FBXL7: variants seen among roughly 807,000 people sequenced by gnomAD.
FBXL7 encodes F-box/LRR-repeat protein 7.
FBXL7 carries 12 observed loss-of-function variants against 38.3 expected under a neutral mutation model. The ratio of observed to expected loss-of-function variants is 0.31; its 90% CI spans 0.20 to 0.51. The LOEUF (loss-of-function observed/expected upper bound fraction) is 0.51, where lower values mean the gene tolerates loss of function less well. Among genes scored for constraint, FBXL7 ranks in the 20% least tolerant of loss-of-function variants. The pLI, the probability that FBXL7 is intolerant of heterozygous loss-of-function variation, is 0.98. For synonymous variants in FBXL7, 297 were observed against 300.9 expected, an observed-to-expected ratio of 0.99 and a Z score of 0.13; for missense variants, 567 against 676.4, an observed-to-expected ratio of 0.84 and a Z score of 1.79.
At chr5:15,811,107 A>G (rs1737848467) in intron 2 of FBXL7, among the ~76,000 whole-genome samples, 2 of 152,140 alleles carry the variant, frequency 1.3e-5, no homozygotes, top group Non-Finnish European at 2.9e-5. Flanking sequence ...AGTAACTCCT[A>G]TGGTCAGATG....
At chr5:15,513,077 G>T (rs1314642556) in intron 1 of FBXL7, among the ~76,000 whole-genome samples, 1 of 152,018 alleles carries the variant, frequency 6.6e-6, no homozygotes, top group Non-Finnish European at 1.5e-5. Flanking sequence ...GGTGTGATTG[G>T]AATGGTGTCT....
chr5:15,646,593 T>G (rs1423137188), intron 2 of FBXL7, among the ~76,000 whole-genome samples: 1 of 152,250 alleles, frequency 6.6e-6, no homozygotes, highest in Admixed American at 6.5e-5. Context: ...CCAAATTGTT[T>G]ACAGCTGTTT....
chr5:15,616,512 A>C (rs2126519861), intron 2 of FBXL7, among the ~76,000 whole-genome samples: 1 of 152,318 alleles, frequency 6.6e-6, no homozygotes, highest in East Asian at 1.9e-4. Flanking sequence ...AACTTGAGTT[A>C]ATCTCCAAAA....
At chr5:15,802,974 A>G (rs1277637636) in intron 2 of FBXL7, among the ~76,000 whole-genome samples, 1 of 152,084 alleles carries the variant, frequency 6.6e-6, no homozygotes, top group African/African-American at 2.4e-5. Context: ...TTCTTCACCA[A>G]TTACCCTCTG....
intron 2 of FBXL7, among the ~76,000 whole-genome samples, chr5:15,881,815 G>A (rs951152806): frequency 3.3e-5 from 5 of 152,294 alleles, no homozygotes; most frequent in African/African-American, 1.2e-4. Context: ...CTCACTTGCT[G>A]TACTAGTCTC....
chr5:15,556,490 A>G (rs1197007709), intron 1 of FBXL7, among the ~76,000 whole-genome samples: 1 of 152,172 alleles, frequency 6.6e-6, no homozygotes, highest in Non-Finnish European at 1.5e-5. Context: ...ATGCCCAGAA[A>G]TAAAGTTTTA....
chr5:15,855,521 C>T (rs1739229857), intron 2 of FBXL7, among the ~76,000 whole-genome samples: 1 of 151,892 alleles, frequency 6.6e-6, no homozygotes, highest in Non-Finnish European at 1.5e-5. Context: ...TTTCTTGTTC[C>T]TCCTAAAATA....
intron 2 of FBXL7, among the ~76,000 whole-genome samples, chr5:15,795,270 G>A (rs1215470342): frequency 6.6e-6 from 1 of 152,208 alleles, no homozygotes; most frequent in Non-Finnish European, 1.5e-5. Flanking sequence ...GGGAGAGGAA[G>A]TAATAGGTAT....
intron 2 of FBXL7, among the ~76,000 whole-genome samples, chr5:15,778,658 T>A (rs1252807368): frequency 6.6e-6 from 1 of 152,128 alleles, no homozygotes; most frequent in Non-Finnish European, 1.5e-5. Flanking sequence ...AAGCAGCTCA[T>A]TTCATCACAT....
chr5:15,803,482 A>G (rs1737624441), intron 2 of FBXL7, among the ~76,000 whole-genome samples: 2 of 152,158 alleles, frequency 1.3e-5, no homozygotes, highest in Non-Finnish European at 2.9e-5. Flanking sequence ...GAAATTACAT[A>G]TTATGCCAAA....
chr5:15,540,927 A>G (rs1737722219), intron 1 of FBXL7, among the ~76,000 whole-genome samples: 1 of 152,086 alleles, frequency 6.6e-6, no homozygotes, highest in Non-Finnish European at 1.5e-5. Flanking sequence ...GATTTTGACA[A>G]ATGAATTTTG....
At chr5:15,571,222 A>C (rs1231076030) in intron 1 of FBXL7, among the ~76,000 whole-genome samples, 1 of 152,160 alleles carries the variant, frequency 6.6e-6, no homozygotes, top group Non-Finnish European at 1.5e-5. Context: ...CACTTAAGTC[A>C]ATGGCCTCTA....
intron 2 of FBXL7, among the ~76,000 whole-genome samples, chr5:15,632,065 T>A (rs1259853808): frequency 6.6e-6 from 1 of 152,234 alleles, no homozygotes; most frequent in Non-Finnish European, 1.5e-5. Context: ...AAGATCTTTC[T>A]GTTGTCAAAT....
intron 2 of FBXL7, among the ~76,000 whole-genome samples, chr5:15,683,248 A>T (rs1164890659): frequency 6.6e-6 from 1 of 152,148 alleles, no homozygotes; most frequent in Non-Finnish European, 1.5e-5. Flanking sequence ...ATTTTTAATT[A>T]ATCAGCTAAA....
At chr5:15,537,655 A>C (rs1401716499) in intron 1 of FBXL7, among the ~76,000 whole-genome samples, 2 of 152,256 alleles carry the variant, frequency 1.3e-5, no homozygotes, top group Admixed American at 1.3e-4. Flanking sequence ...GAGGGCTCAT[A>C]GAAGTACGGG....
intron 2 of FBXL7, among the ~76,000 whole-genome samples, chr5:15,695,478 G>A (rs772469856): frequency 7.2e-5 from 11 of 152,092 alleles, no homozygotes; most frequent in African/African-American, 7.2e-5. Flanking sequence ...AGTTCCCATC[G>A]ACAGTCCTTT....
At position 15,605,568 on chromosome 5, in the gene FBXL7, C is replaced by T. The variant is rs1739978218; in HGVS notation, c.38-10415C>T. 2.0e-5 allele frequency among the ~76,000 whole-genome samples: 3 copies of T among 151,984 alleles called. No individual in the cohort carries two copies. The South Asian group carries it at 6.2e-4, about 32-fold the overall frequency. ...GAGATCAAAAGCAGATTAGATGTTACTAGGGGCTAGGGGAGGGAGGAATGA... is the reference window on the plus strand; with the variant it reads ...GAGATCAAAAGCAGATTAGATGTTATTAGGGGCTAGGGGAGGGAGGAATGA... On this transcript the variant is annotated intron_variant, in intron 1 of 3. Transcript: ENST00000504595.
At chr5:15,786,491 A>G (rs1108419) in intron 2 of FBXL7, among the ~76,000 whole-genome samples, 7,223 of 152,210 alleles carry the variant, frequency 0.047, 307 homozygotes, top group African/African-American at 0.1. Context: ...GAGAGTATTC[A>G]AAACCCTGTC....
intron 2 of FBXL7, among the ~76,000 whole-genome samples, chr5:15,657,416 T>G (rs187380006): frequency 1.3e-5 from 2 of 152,254 alleles, no homozygotes; most frequent in Admixed American, 1.3e-4. Flanking sequence ...AACAAATAAT[T>G]CTATAGAACA....
Sources: gnomAD v4.1 joint callset for allele counts (sites outside exome capture counted in the v4.1 genomes callset) on GRCh38, gnomAD v4.1.1 for gene constraint, MANE v1.5 for transcripts, NCBI Gene and HGNC (gene_info 2026-07-23, HGNC 2026-07-21) for gene names.